The following ZNF677 variants were observed in gnomAD, a reference collection of about 807,000 sequenced individuals.
ZNF677 encodes the protein zinc finger protein 677.
Under a neutral mutation model 8.1 loss-of-function variants are expected in ZNF677, and 5 were observed. The ratio of observed to expected loss-of-function variants is 0.62; its 90% CI spans 0.32 to 1.29. The LOEUF (loss-of-function observed/expected upper bound fraction) is 1.29, where lower values mean the gene tolerates loss of function less well. Among genes scored for constraint, ZNF677 ranks in the 50% most tolerant of loss-of-function variants. The pLI, the probability that ZNF677 is intolerant of heterozygous loss-of-function variation, is 0.05. For synonymous variants in ZNF677, 221 were observed against 225.6 expected, an observed-to-expected ratio of 0.98 and a Z score of 0.18; for missense variants, 685 against 685.9, an observed-to-expected ratio of 1.00 and a Z score of 0.01.
Position 53,236,836 on chromosome 19 carries a change from C to T in ZNF677, c.*136G>A. On this transcript the variant is annotated 3_prime_UTR_variant, in exon 5 of 5. Transcript: ENST00000598513. ...CACAAGGCTTGAACTTTGGATAAGC[C>T]TTGCCATACATGTTATCTTTGTGTG... The T allele has an allele frequency of 3.9e-6, 3 of 762,056 alleles. No individual in the cohort carries two copies. Among genetic ancestry groups the T allele is most frequent in the Non-Finnish European group, 5.9e-6 (3 of 510,868 alleles). The allele number at this position is 762,056 out of a possible 1,614,324, so 47.2% of individuals were successfully genotyped here.
At chr19:53,252,779 T>A (rs2091255160) in intron 2 of ZNF677, among the ~76,000 whole-genome samples, 1 of 152,014 alleles carries the variant, frequency 6.6e-6, no homozygotes, top group South Asian at 2.1e-4. Context: ...ATCTACTTAG[T>A]GGGAGGCTTT....
intron 3 of ZNF677, among the ~76,000 whole-genome samples, chr19:53,247,114 G>A (rs541311513): frequency 2.0e-5 from 3 of 152,214 alleles, no homozygotes; most frequent in Admixed American, 6.5e-5. Context: ...CTCGATTGTG[G>A]TGTGAGAATA....
Position 53,237,914 on chromosome 19 carries a change from A to G in ZNF677, c.813T>C (p.Ala271=). Residue 271 remains alanine, a synonymous_variant, in exon 5 of 5, where the codon GCT becomes GCC. Transcript: ENST00000598513. ...TAGTGAGGTTCGAACTTTTGCTAAA[A>G]GCCTTTCCACAGTCATTACACTTGT... is the stretch of plus-strand genomic sequence containing the variant. ...KSYKCNDCGK[A]FSKSSNLTNH... The G allele has an allele frequency of 6.2e-7, 1 of 1,612,672 alleles. No homozygotes were observed. The highest frequency in any genetic ancestry group is 8.5e-7 in the Non-Finnish European group (1 of 1,179,968).
chr19:53,244,015 T>A, intron 3 of ZNF677, 118 bp from the exon 4 acceptor site: 1 of 873,454 alleles, frequency 1.1e-6, no homozygotes, highest in Non-Finnish European at 1.7e-6. Context: ...AAGCAACTTA[T>A]ATATCCCTAA....
At chr19:53,252,701 A>T (rs2091254090) in intron 2 of ZNF677, among the ~76,000 whole-genome samples, 1 of 152,236 alleles carries the variant, frequency 6.6e-6, no homozygotes, top group South Asian at 2.1e-4. Context: ...GTTGGAACAA[A>T]ATTCCACACC....
chr19:53,245,021 T>C (rs990258536), intron 3 of ZNF677, among the ~76,000 whole-genome samples: 22 of 152,152 alleles, frequency 1.4e-4, no homozygotes, highest in African/African-American at 5.1e-4. Flanking sequence ...CTTCAGTAAA[T>C]AGTGCTGGGA....
chr19:53,248,411 T>A lies in ZNF677; in HGVS notation c.15+3125A>T, dbSNP rs190358212. Among the ~76,000 whole-genome samples the A allele has an allele frequency of 4.0e-3, 609 of 152,348 alleles. 4 individuals are homozygous for A. Among genetic ancestry groups the A allele is most frequent in the African/African-American group, 0.014 (587 of 41,578 alleles). On this transcript the variant is annotated intron_variant, in intron 3 of 4. Coordinates refer to ENST00000598513, the MANE Select transcript of ZNF677 (RefSeq NM_182609.4). ...TACCTACGTAGGTGTTTTACCTGTA[T>A]TAATTTGTTTTTATGGCTTTAAGGT...
chr19:53,238,888 G>T, intron 4 of ZNF677: 1 of 177,328 alleles, frequency 5.6e-6, no homozygotes. Flanking sequence ...TAGCTATATG[G>T]TAGTCTCATA....
At chr19:53,253,772 T>C (rs926531534) in intron 1 of ZNF677, among the ~76,000 whole-genome samples, 2 of 152,014 alleles carry the variant, frequency 1.3e-5, no homozygotes, top group Admixed American at 6.5e-5. Flanking sequence ...GAAAATACTT[T>C]GAAAATTTTT....
intron 1 of ZNF677, 36 bp from the exon 2 acceptor site, chr19:53,253,192 CTG>C: frequency 6.6e-6 from 1 of 152,158 alleles, no homozygotes; most frequent in East Asian, 1.9e-4. Context: ...GTTCATTTTG[CTG>C]TGTCAGGAGT....
intron 3 of ZNF677, 40 bp downstream of exon 3, chr19:53,251,496 A>G (rs760687227): frequency 3.2e-6 from 5 of 1,567,164 alleles, no homozygotes; most frequent in Non-Finnish European, 4.4e-6. Flanking sequence ...CATTTCAGGA[A>G]GGAGAGGACA....
chr19:53,250,817 G>A, intron 3 of ZNF677, among the ~76,000 whole-genome samples: 1 of 152,062 alleles, frequency 6.6e-6, no homozygotes, highest in East Asian at 1.9e-4. Flanking sequence ...CTAAAATTAA[G>A]AAAAATAATA....
At chr19:53,242,199 T>A (rs1031527993) in intron 4 of ZNF677, 5 of 397,632 alleles carry the variant, frequency 1.3e-5, no homozygotes, top group African/African-American at 1.0e-4. Flanking sequence ...CCCAAAGTGC[T>A]GGGATTATAG....
chr19:53,238,540 T>G lies in ZNF677; in HGVS notation c.187A>C (p.Thr63Pro), dbSNP rs1212050626. ...PPEDDISVGF[T>P]SKGLSPKENN... Reference sequence around the variant, plus strand: ...TCCTTTGGTGATAATCCCTTGCTTGTAAATCCAACAGAAATATCTGAAAGA... The same window carrying G: ...TCCTTTGGTGATAATCCCTTGCTTGGAAATCCAACAGAAATATCTGAAAGA... The change falls in exon 5 of 5, where the codon ACA becomes CCA. Residue 63 changes from threonine (T) to proline (P), a missense_variant. Transcript: ENST00000598513. 1.9e-6 allele frequency: 3 copies of G among 1,565,904 alleles called. No homozygotes were observed. The highest frequency in any genetic ancestry group is 8.6e-7 in the Non-Finnish European group (1 of 1,162,468).
At position 53,236,839 on chromosome 19, in the gene ZNF677, G is replaced by A; in HGVS notation, c.*133C>T. The A allele has an allele frequency of 1.3e-6, 1 of 778,774 alleles. No homozygotes were observed. Among genetic ancestry groups the A allele is most frequent in the Non-Finnish European group, 1.9e-6 (1 of 523,148 alleles). 48.2% of individuals were successfully genotyped at this position (778,774 alleles called of 1,614,324 possible). On this transcript the variant is annotated 3_prime_UTR_variant, in exon 5 of 5. Transcript: ENST00000598513. ...AAGGCTTGAACTTTGGATAAGCCTT[G>A]CCATACATGTTATCTTTGTGTGGTT... is the stretch of plus-strand genomic sequence containing the variant.
In ZNF677 at chr19:53,238,451, G is replaced by T. The variant is rs2091000819; in HGVS notation, c.276C>A (p.Asn92Lys). ...CCCAGACTTCCTTGAGGTCAAAATT[G>T]TTGATGCCATGGCTTTCCTTTCTTT... ...ILERKESHGI[N>K]NFDLKEVWEN... Residue 92 changes from asparagine to lysine, a missense_variant, in exon 5 of 5, where the codon AAC becomes AAA. Transcript: ENST00000598513. The T allele has an allele frequency of 6.2e-7, 1 of 1,613,698 alleles. No individual in the cohort carries two copies. The highest frequency in any genetic ancestry group is 2.2e-5 in the East Asian group (1 of 44,852).
rs137958797 is a variant in ZNF677, at chr19:53,238,468, C to G, written c.259G>C (p.Glu87Gln). The change falls in exon 5 of 5, where the codon GAA becomes CAA. Residue 87 changes from glutamate (E) to glutamine (Q), a missense_variant. Glu to Gln is a conservative substitution (Grantham distance 29). Coordinates refer to ENST00000598513, the MANE Select transcript of ZNF677 (RefSeq NM_182609.4). Reference sequence around the variant, plus strand: ...TCAAAATTGTTGATGCCATGGCTTTCCTTTCTTTCTAATATCACCAGATGG... The same window carrying G: ...TCAAAATTGTTGATGCCATGGCTTTGCTTTCTTTCTAATATCACCAGATGG... ...LYHLVILERK[E>Q]SHGINNFDLK... 8.9e-5 allele frequency: 143 copies of G among 1,613,132 alleles called. 1 individual carries two copies. In the East Asian group the frequency reaches 2.0e-3, roughly 22 times the overall value.
intron 4 of ZNF677, chr19:53,240,991 TAGAA>T (rs1487905448): frequency 6.6e-6 from 1 of 152,092 alleles, no homozygotes; most frequent in East Asian, 1.9e-4. Flanking sequence ...TGCTAAAAAA[TAGAA>T]AGTCTATTTT....
Position 53,236,970 on chromosome 19 carries a change from T to C in ZNF677, c.*2A>G. The C allele has an allele frequency of 6.5e-7, 1 of 1,533,990 alleles. No individual in the cohort carries two copies. Among genetic ancestry groups the C allele is most frequent in the Non-Finnish European group, 8.7e-7 (1 of 1,148,110 alleles). The stretch of plus-strand genomic sequence containing the variant: ...TTTCTTTTCACAATGGAGCCCCTGA[T>C]GCTAGGTACAGCTTGAATACTTAAT... On this transcript the variant is annotated 3_prime_UTR_variant, in exon 5 of 5. Coordinates refer to ENST00000598513, the MANE Select transcript of ZNF677 (RefSeq NM_182609.4).
Sources: gnomAD v4.1 joint callset for allele counts (sites outside exome capture counted in the v4.1 genomes callset) on GRCh38, gnomAD v4.1.1 for gene constraint, MANE v1.5 for transcripts, NCBI Gene and HGNC (gene_info 2026-07-23, HGNC 2026-07-21) for gene names.